PCDHA9: variants seen among roughly 807,000 people sequenced by gnomAD.
PCDHA9 encodes the protein protocadherin alpha 9.
In PCDHA9, 62 loss-of-function variants were observed where a neutral mutation model predicts 62.0. The observed-to-expected ratio is 1.00, with a 90% CI of 0.81 to 1.23. The LOEUF is 1.23. Ranked by LOEUF, PCDHA9 falls within the 50% of genes most tolerant of loss-of-function variation. The probability of loss-of-function intolerance (pLI) is 0.00; values close to 1 mark genes in which losing one functional copy is unlikely to be tolerated. For synonymous variants in PCDHA9, 557 were observed against 567.6 expected, an observed-to-expected ratio of 0.98 and a Z score of 0.27; for missense variants, 1,205 against 1,249.8, an observed-to-expected ratio of 0.96 and a Z score of 0.54.
chr5:140,891,281 G>A (rs1554184772), intron 1 of PCDHA9, among the ~76,000 whole-genome samples: 2 of 151,886 alleles, frequency 1.3e-5, no homozygotes, highest in African/African-American at 4.8e-5. Context: ...GTAAGTTATT[G>A]GGGGTACAGG....
chr5:140,995,284 G>A (rs1439846116), intron 3 of PCDHA9, among the ~76,000 whole-genome samples: 2 of 152,112 alleles, frequency 1.3e-5, no homozygotes, highest in African/African-American at 4.8e-5. Flanking sequence ...TACCAAAACA[G>A]CCAGTCGGAT....
At chr5:140,877,143 C>G (rs782522652) in intron 1 of PCDHA9, 2 of 1,613,668 alleles carry the variant, frequency 1.2e-6, no homozygotes, top group African/African-American at 2.7e-5. Context: ...TCGTGCTGGA[C>G]GAGAACGACA....
At chr5:140,927,973 C>G (rs77078209) in intron 1 of PCDHA9, 1 of 1,614,216 alleles carries the variant, frequency 6.2e-7, no homozygotes, top group Non-Finnish European at 8.5e-7. Context: ...AGTGATTGCT[C>G]TCTTTAGTGT....
At chr5:140,898,062 T>G (rs2066502065) in intron 1 of PCDHA9, among the ~76,000 whole-genome samples, 1 of 152,110 alleles carries the variant, frequency 6.6e-6, no homozygotes, top group African/African-American at 2.4e-5. Flanking sequence ...TAAATTTGTT[T>G]GAGTTCATTG....
intron 1 of PCDHA9, chr5:140,929,032 T>C (rs781951889): frequency 1.9e-6 from 3 of 1,614,236 alleles, no homozygotes; most frequent in East Asian, 2.2e-5. Flanking sequence ...CCCAGGCTGT[T>C]GCGCTCAGAG....
At chr5:140,903,770 C>T (rs1583503336) in intron 1 of PCDHA9, among the ~76,000 whole-genome samples, 1 of 152,136 alleles carries the variant, frequency 6.6e-6, no homozygotes, top group Non-Finnish European at 1.5e-5. Flanking sequence ...CTGAACTTTT[C>T]TATCCATAAA....
intron 3 of PCDHA9, among the ~76,000 whole-genome samples, chr5:141,001,895 G>T (rs1390745542): frequency 3.9e-5 from 6 of 152,208 alleles, no homozygotes; most frequent in Non-Finnish European, 8.8e-5. Context: ...AGAAATCGGG[G>T]CTGTTTGAAA....
chr5:140,849,988 G>C lies in PCDHA9; in HGVS notation c.1493G>C (p.Arg498Pro). ...GTGTCCTACTCGCTGGTGGAGCGGC[G>C]GTTGGGCGAGCGCTCGCTGTCGAGC... ...ALVSYSLVER[R>P]LGERSLSSYV... is the part of the protein sequence containing the mutation. The change falls in exon 1 of 4, where the codon CGG becomes CCG. Residue 498 changes from arginine to proline, a missense_variant. Transcript: ENST00000532602. 1.3e-6 allele frequency: 2 copies of C among 1,597,364 alleles called. No homozygotes were observed. The highest frequency in any genetic ancestry group is 1.1e-5 in the South Asian group (1 of 90,504).
At chr5:140,957,339 TGAGA>T (rs2095352193) in intron 1 of PCDHA9, among the ~76,000 whole-genome samples, 1 of 152,152 alleles carries the variant, frequency 6.6e-6, no homozygotes, top group African/African-American at 2.4e-5. Context: ...TAAGATATTT[TGAGA>T]GAGAGACCAC....
chr5:140,992,470 G>T (rs1027762445), intron 3 of PCDHA9, among the ~76,000 whole-genome samples: 2 of 152,192 alleles, frequency 1.3e-5, no homozygotes, highest in African/African-American at 4.8e-5. Context: ...GTACTCTTTA[G>T]ATCACCCAGA....
intron 1 of PCDHA9, among the ~76,000 whole-genome samples, chr5:140,972,921 C>A (rs2096564401): frequency 6.6e-6 from 1 of 152,090 alleles, no homozygotes; most frequent in Non-Finnish European, 1.5e-5. Context: ...CTTGGCCTCC[C>A]AAAGTGCTGG....
chr5:140,925,721 T>C lies in PCDHA9; in HGVS notation c.2395-53228T>C, dbSNP rs1360748997. Among the ~76,000 whole-genome samples the C allele has an allele frequency of 3.3e-5, 5 of 151,692 alleles. No individual in the cohort carries two copies. In the East Asian group the frequency reaches 7.7e-4, roughly 23 times the overall value. ...AGCCTATTCTTATCCTGCCTCATGG[T>C]GTTTTCTAAATATTTACAGAAAGAA... On this transcript the variant is annotated intron_variant, in intron 1 of 3. Transcript: ENST00000532602.
At position 140,850,244 on chromosome 5, in the gene PCDHA9, G is replaced by C; in HGVS notation, c.1749G>C (p.Arg583=). 1 of 1,593,676 alleles carries C rather than the reference G, an allele frequency of 6.3e-7. No individual in the cohort carries two copies. The highest frequency in any genetic ancestry group is 8.6e-7 in the Non-Finnish European group (1 of 1,167,078). The change falls in exon 1 of 4, where the codon CGG becomes CGC. Residue 583 remains arginine (R), a synonymous_variant. Transcript: ENST00000532602. The part of the protein sequence containing the change: ...TDGAVSEMVL[R]SVGAGVVVGK... ...GCGCAGTGAGCGAGATGGTGCTGCG[G>C]TCGGTGGGCGCCGGCGTAGTGGTGG...
Position 140,932,015 on chromosome 5 carries a change from C to T in PCDHA9, c.2395-46934C>T, listed in dbSNP as rs150185692. Reference sequence around the variant, plus strand: ...TTCTAAGTTCTTTCATTTTAGTTTACGGTAAGTTTACAGTATATATTAACA... The same window carrying T: ...TTCTAAGTTCTTTCATTTTAGTTTATGGTAAGTTTACAGTATATATTAACA... On this transcript the variant is annotated intron_variant, in intron 1 of 3. Coordinates refer to ENST00000532602, the MANE Select transcript of PCDHA9 (RefSeq NM_031857.2). Among the ~76,000 whole-genome samples, 8 of 151,784 alleles carry T rather than the reference C, an allele frequency of 5.3e-5. No homozygotes were observed. The East Asian group carries it at 5.8e-4, about 11-fold the overall frequency.
chr5:140,946,631 T>TATATATATATAC (rs57893927), intron 1 of PCDHA9, among the ~76,000 whole-genome samples: 3,699 of 131,684 alleles, frequency 0.028, 186 homozygotes, highest in East Asian at 0.064. Flanking sequence ...TATATATATA[T>TATATATATATAC]ACAATGGAAT....
At chr5:140,869,884 G>T in intron 1 of PCDHA9, 1 of 1,610,394 alleles carries the variant, frequency 6.2e-7, no homozygotes, top group Non-Finnish European at 8.5e-7. Flanking sequence ...AGAAACTCTT[G>T]TGCTCAAACT....
rs78283049 is a variant in PCDHA9 at position 140,938,200 on chromosome 5, C to G, written c.2395-40749C>G. 2.3e-3 allele frequency among the ~76,000 whole-genome samples: 352 copies of G among 152,306 alleles called. 1 individual carries two copies. The highest frequency in any genetic ancestry group is 8.1e-3 in the African/African-American group (335 of 41,568). On this transcript the variant is annotated intron_variant, in intron 1 of 3. Coordinates refer to ENST00000532602, the MANE Select transcript of PCDHA9 (RefSeq NM_031857.2). ...GGCTCAAGCAATCCTCCCACGCCAG[C>G]CTCCCAAAGTGCTGGGATTACAGGC... is the stretch of plus-strand genomic sequence containing the variant.
chr5:140,969,125 C>T (rs2096298194), intron 1 of PCDHA9: 3 of 1,614,152 alleles, frequency 1.9e-6, no homozygotes, highest in East Asian at 2.2e-5. Flanking sequence ...GAATGGCTCC[C>T]TCACCAAGAC....
At chr5:140,883,519 CG>C in intron 1 of PCDHA9, 1 of 1,614,190 alleles carries the variant, frequency 6.2e-7, no homozygotes, top group African/African-American at 1.3e-5. Flanking sequence ...ACCGCGAGAG[CG>C]TATCAGCCTA....
Sources: allele counts gnomAD v4.1 joint callset (sites outside exome capture counted in the v4.1 genomes callset), GRCh38; gene constraint gnomAD v4.1.1; transcripts MANE v1.5; gene names NCBI Gene and HGNC (gene_info 2026-07-23, HGNC 2026-07-21).